Variants in PPP3CC observed in about 807,000 individuals in gnomAD.
PPP3CC encodes the protein protein phosphatase 3 catalytic subunit gamma.
In PPP3CC, 35 loss-of-function variants were observed where a neutral mutation model predicts 60.3. The observed-to-expected ratio is 0.58, with a 90% CI of 0.44 to 0.77. PPP3CC has a LOEUF of 0.77. PPP3CC is among the 30% of genes least tolerant of loss of function. PPP3CC has a pLI of 0.00. For synonymous variants in PPP3CC, 206 were observed against 224.3 expected (o/e 0.92, Z 0.73); for missense variants, 570 against 628.9 (o/e 0.91, Z 1.00).
intron 1 of PPP3CC, among the ~76,000 whole-genome samples, chr8:22,452,037 A>C (rs1263834628): frequency 1.3e-5 from 1 of 76,608 alleles, no homozygotes; most frequent in African/African-American, 3.8e-5. Flanking sequence ...TTTTTTTAAC[A>C]GTTTTAGAGA....
At chr8:22,446,367 A>G (rs900497369) in intron 1 of PPP3CC, among the ~76,000 whole-genome samples, 1 of 152,234 alleles carries the variant, frequency 6.6e-6, no homozygotes, top group African/African-American at 2.4e-5. Flanking sequence ...AAAGTAACAT[A>G]CTAATCACAT....
At chr8:22,475,875 A>G (rs915856827) in intron 3 of PPP3CC, among the ~76,000 whole-genome samples, 1 of 152,188 alleles carries the variant, frequency 6.6e-6, no homozygotes. Context: ...ATGTTCACCA[A>G]CTTTTCCTCT....
At chr8:22,500,144 A>G (rs1438372707) in intron 4 of PPP3CC, among the ~76,000 whole-genome samples, 2 of 152,218 alleles carry the variant, frequency 1.3e-5, no homozygotes, top group Non-Finnish European at 2.9e-5. Flanking sequence ...GCATACTCTA[A>G]AGTAGTCTTC....
intron 9 of PPP3CC, among the ~76,000 whole-genome samples, chr8:22,528,072 C>G (rs528635356): frequency 2.6e-5 from 4 of 152,306 alleles, no homozygotes; most frequent in Non-Finnish European, 4.4e-5. Flanking sequence ...TTGTCATTCC[C>G]TCAGATTTCT....
In PPP3CC at chr8:22,495,045, T is replaced by C. The variant is rs139404416; in HGVS notation, c.373-2956T>C. On this transcript the variant is annotated intron_variant, in intron 3 of 13. Transcript: ENST00000240139. Reference sequence around the variant, plus strand: ...TCACTACAGCCTCAAACTCCTCGCCTCAAGGGATCCTCCTGCCTCAGCCTC... The same window carrying C: ...TCACTACAGCCTCAAACTCCTCGCCCCAAGGGATCCTCCTGCCTCAGCCTC... 4.4e-3 allele frequency among the ~76,000 whole-genome samples: 671 copies of C among 152,296 alleles called. 6 individuals carry two copies. The highest frequency in any genetic ancestry group is 0.016 in the African/African-American group (649 of 41,554).
intron 3 of PPP3CC, among the ~76,000 whole-genome samples, chr8:22,486,128 T>C (rs562916178): frequency 1.1e-3 from 170 of 152,358 alleles, no homozygotes; most frequent in African/African-American, 3.9e-3. Flanking sequence ...TCACAGTAGT[T>C]AATGATATAA....
Position 22,528,753 on chromosome 8 carries a change from A to AT in PPP3CC, c.1141+177dup, listed in dbSNP as rs542860399. The stretch of plus-strand genomic sequence containing the variant: ...AAATAAGGAAAAAAAGTCACCCATA[A>AT]TCCCATCATCTTATAGATATCCACA... On this transcript the variant is annotated intron_variant, in intron 10 of 13. Transcript: ENST00000240139. 3.3e-5 allele frequency among the ~76,000 whole-genome samples: 5 copies of AT among 152,342 alleles called. No homozygotes were observed. In the South Asian group the frequency reaches 1.0e-3, roughly 32 times the overall value.
chr8:22,533,684 G>A (rs1260736781), intron 12 of PPP3CC, among the ~76,000 whole-genome samples: 1 of 152,070 alleles, frequency 6.6e-6, no homozygotes, highest in Non-Finnish European at 1.5e-5. Flanking sequence ...AATTAGCCAG[G>A]TGTGGTGGTG....
Position 22,463,296 on chromosome 8 carries a change from C to T in PPP3CC, c.50-11658C>T, listed in dbSNP as rs553280127. 2.4e-4 allele frequency among the ~76,000 whole-genome samples: 36 copies of T among 152,334 alleles called. No homozygotes were observed. The South Asian group carries it at 7.3e-3, about 31-fold the overall frequency. ...CATAACAGTTCTGGAAATCTTGGCT[C>T]ACCCACTGTTTGTCCATGGCAATGA... On this transcript the variant is annotated intron_variant, in intron 1 of 13. Transcript: ENST00000240139.
chr8:22,455,071 A>AAAAG (rs1554527992), intron 1 of PPP3CC, among the ~76,000 whole-genome samples: 93 of 151,124 alleles, frequency 6.2e-4, no homozygotes, highest in African/African-American at 2.0e-3. Context: ...AAAAAAAAAA[A>AAAAG]AAAGAAAGAA....
intron 1 of PPP3CC, among the ~76,000 whole-genome samples, chr8:22,464,261 T>G (rs1292860481): frequency 2.0e-5 from 3 of 152,210 alleles, no homozygotes; most frequent in Non-Finnish European, 2.9e-5. Context: ...CTAATAATTT[T>G]TATAATCCTT....
chr8:22,481,818 G>T (rs1838079062), intron 3 of PPP3CC, among the ~76,000 whole-genome samples: 1 of 152,016 alleles, frequency 6.6e-6, no homozygotes, highest in Admixed American at 6.6e-5. Flanking sequence ...AGTTTGTTGA[G>T]AGTGATGGTT....
At position 22,457,526 on chromosome 8, in the gene PPP3CC, T is replaced by G. The variant is rs146481256; in HGVS notation, c.49+16068T>G. On this transcript the variant is annotated intron_variant, in intron 1 of 13. Transcript: ENST00000240139. ...TTTCACGATGTTGGCCAGGCTGCTC[T>G]TGAACTCCAGGCCTCAAGCGATCCA... Among the ~76,000 whole-genome samples, 482 of 152,076 alleles carry G rather than the reference T, an allele frequency of 3.2e-3. 3 individuals are homozygous for G. Among genetic ancestry groups the G allele is most frequent in the African/African-American group, 0.011 (458 of 41,488 alleles).
intron 3 of PPP3CC, among the ~76,000 whole-genome samples, chr8:22,481,619 G>A (rs770770621): frequency 4.0e-5 from 6 of 150,648 alleles, no homozygotes; most frequent in Non-Finnish European, 7.4e-5. Context: ...AGGTATACAT[G>A]TGCCATGGTG....
rs903092991 is a variant in PPP3CC, at chr8:22,531,452, T to C, written c.1142-773T>C. On this transcript the variant is annotated intron_variant, in intron 10 of 13. Coordinates refer to ENST00000240139, the MANE Select transcript of PPP3CC (RefSeq NM_005605.5). ...GGCTCTCCATCCGCCCCTTCAGTTT[T>C]AATGTATATGTTTTCTCTGGACCTG... is the stretch of plus-strand genomic sequence containing the variant. The C allele has an allele frequency of 1.8e-5, 18 of 992,272 alleles. No homozygotes were observed. In the Admixed American group the frequency reaches 3.2e-4, roughly 18 times the overall value. 61.5% of individuals were successfully genotyped at this position (992,272 alleles called of 1,614,324 possible).
intron 1 of PPP3CC, among the ~76,000 whole-genome samples, chr8:22,452,479 C>G (rs914833283): frequency 6.6e-6 from 1 of 151,886 alleles, no homozygotes; most frequent in Non-Finnish European, 1.5e-5. Context: ...TCAGACATAC[C>G]TGGATTCAAA....
chr8:22,510,096 A>T (rs111899974), intron 4 of PPP3CC, among the ~76,000 whole-genome samples: 2,737 of 150,034 alleles, frequency 0.018, 96 homozygotes, highest in African/African-American at 0.063. Context: ...AGGCAGAAGA[A>T]TTGCAAGAAC....
At chr8:22,444,292 AG>A (rs1836761835) in intron 1 of PPP3CC, among the ~76,000 whole-genome samples, 1 of 152,050 alleles carries the variant, frequency 6.6e-6, no homozygotes, top group South Asian at 2.1e-4. Context: ...TCTGTAAAAT[AG>A]GGTTAATAAT....
chr8:22,500,394 G>A (rs560931926), intron 4 of PPP3CC, among the ~76,000 whole-genome samples: 46 of 151,812 alleles, frequency 3.0e-4, no homozygotes, highest in Admixed American at 3.0e-3. Context: ...TTTGATCATG[G>A]ATTTCATTTT....
Sources: gnomAD v4.1 joint callset for allele counts (sites outside exome capture counted in the v4.1 genomes callset) on GRCh38, gnomAD v4.1.1 for gene constraint, MANE v1.5 for transcripts, NCBI Gene and HGNC (gene_info 2026-07-23, HGNC 2026-07-21) for gene names.